ANO5: variants seen among roughly 807,000 people sequenced by gnomAD.
The protein encoded by ANO5 is anoctamin 5.
In ANO5, 109 loss-of-function variants were observed where a neutral mutation model predicts 121.0. The ratio of observed to expected loss-of-function variants is 0.90; its 90% CI spans 0.77 to 1.06. The LOEUF (loss-of-function observed/expected upper bound fraction) is 1.06, where lower values mean the gene tolerates loss of function less well. Ranked by LOEUF, ANO5 falls within the 50% of genes least tolerant of loss-of-function variation. The probability of loss-of-function intolerance (pLI) is 0.00; values close to 1 mark genes in which losing one functional copy is unlikely to be tolerated. For synonymous variants in ANO5, 406 were observed against 359.9 expected, an observed-to-expected ratio of 1.13 and a Z score of -1.45; for missense variants, 1,064 against 1,078.5, an observed-to-expected ratio of 0.99 and a Z score of 0.19.
intron 12 of ANO5, among the ~76,000 whole-genome samples, chr11:22,253,518 G>T (rs1853894436): frequency 6.6e-6 from 1 of 152,032 alleles, no homozygotes; most frequent in Non-Finnish European, 1.5e-5. Context: ...AATGGTAGTT[G>T]TTCTATTGTA....
intron 7 of ANO5, among the ~76,000 whole-genome samples, chr11:22,234,186 G>A (rs1219374858): frequency 6.6e-6 from 1 of 152,104 alleles, no homozygotes; most frequent in African/African-American, 2.4e-5. Context: ...TGAGATATCT[G>A]TGGTGTTGGC....
chr11:22,217,541 A>C (rs1358233878), intron 3 of ANO5, among the ~76,000 whole-genome samples: 1 of 151,858 alleles, frequency 6.6e-6, no homozygotes, highest in Non-Finnish European at 1.5e-5. Flanking sequence ...TTAACAAAAT[A>C]TCTATTTTAC....
chr11:22,249,004 C>T (rs891435893), intron 9 of ANO5, among the ~76,000 whole-genome samples: 1 of 151,880 alleles, frequency 6.6e-6, no homozygotes, highest in African/African-American at 2.4e-5. Flanking sequence ...AGAAAAAGTT[C>T]ATTCACTCTG....
chr11:22,221,106 A>C lies in ANO5; in HGVS notation c.190A>C (p.Asn64His). 6.2e-7 allele frequency: 1 copy of C among 1,611,238 alleles called. No homozygotes were observed. The highest frequency in any genetic ancestry group is 8.5e-7 in the Non-Finnish European group (1 of 1,178,218). ...TTTATGTCTCCTGCAGTTTCAAAAA[A>C]ATCAGCAAAGCAAAGATTCTATCTT... The part of the protein sequence containing the change: ...FLRRRLMFQK[N>H]QQSKDSIFFR... The change falls in exon 5 of 22, where the codon AAT (asparagine) becomes CAT (histidine). Residue 64 changes from asparagine (N) to histidine (H), a missense_variant. Asn to His is a moderately conservative substitution (Grantham distance 68). Transcript: ENST00000324559.
At chr11:22,233,073 A>C (rs1309164682) in intron 7 of ANO5, among the ~76,000 whole-genome samples, 1 of 152,018 alleles carries the variant, frequency 6.6e-6, no homozygotes, top group Non-Finnish European at 1.5e-5. Flanking sequence ...TGGTAATTGA[A>C]GTGTTCATCT....
At chr11:22,246,802 G>A (rs927622250) in intron 9 of ANO5, among the ~76,000 whole-genome samples, 21 of 139,902 alleles carry the variant, frequency 1.5e-4, no homozygotes, top group African/African-American at 5.7e-4. Context: ...GTTGCGATGA[G>A]CCGAGATCGC....
chr11:22,232,679 A>T (rs959146998), intron 7 of ANO5, among the ~76,000 whole-genome samples: 2 of 152,010 alleles, frequency 1.3e-5, no homozygotes, highest in Non-Finnish European at 2.9e-5. Flanking sequence ...TGCCTTGTAC[A>T]AAATGTAAGT....
At chr11:22,211,448 CT>C (rs1040377710) in intron 3 of ANO5, 134 bp downstream of exon 3, 7 of 1,099,976 alleles carry the variant, frequency 6.4e-6, no homozygotes, top group Non-Finnish European at 9.4e-6. Flanking sequence ...GAATATATTA[CT>C]TTAGAAAAAA....
chr11:22,247,137 C>T (rs1853651586), intron 9 of ANO5, among the ~76,000 whole-genome samples: 1 of 152,046 alleles, frequency 6.6e-6, no homozygotes, highest in Non-Finnish European at 1.5e-5. Context: ...CTTCACAGTG[C>T]TTTTGAACTA....
intron 14 of ANO5, among the ~76,000 whole-genome samples, chr11:22,258,768 A>G (rs184919588): frequency 8.5e-5 from 13 of 152,270 alleles, no homozygotes; most frequent in East Asian, 7.7e-4. Flanking sequence ...GGGGCCAGAT[A>G]TATTTTTGGC....
chr11:22,259,434 T>C, intron 14 of ANO5, 85 bp from the exon 15 acceptor site: 1 of 1,352,986 alleles, frequency 7.4e-7, no homozygotes, highest in East Asian at 2.3e-5. Flanking sequence ...TATAATGAGA[T>C]GAACAGAATA....
At chr11:22,218,640 A>C (rs1852541605) in intron 4 of ANO5, among the ~76,000 whole-genome samples, 1 of 152,050 alleles carries the variant, frequency 6.6e-6, no homozygotes, top group South Asian at 2.1e-4. Context: ...AGCTCACTGC[A>C]GCCTCAACCT....
At chr11:22,253,189 T>C (rs1853883708) in intron 12 of ANO5, among the ~76,000 whole-genome samples, 1 of 152,152 alleles carries the variant, frequency 6.6e-6, no homozygotes, top group East Asian at 1.9e-4. Flanking sequence ...CCTGAAATCC[T>C]TTTCAGGGAA....
At chr11:22,247,199 A>G (rs1853654597) in intron 9 of ANO5, among the ~76,000 whole-genome samples, 1 of 151,868 alleles carries the variant, frequency 6.6e-6, no homozygotes, top group African/African-American at 2.4e-5. Context: ...AGGTAAGAAT[A>G]TCTCAGGCAA....
chr11:22,270,508 A>C (rs1854570701), intron 18 of ANO5, 66 bp downstream of exon 18: 2 of 1,524,670 alleles, frequency 1.3e-6, no homozygotes, highest in Non-Finnish European at 9.1e-7. Flanking sequence ...AGCTCCAGAT[A>C]CTTCTTTCTG....
At chr11:22,202,258 C>G (rs908555321) in intron 1 of ANO5, among the ~76,000 whole-genome samples, 1 of 152,018 alleles carries the variant, frequency 6.6e-6, no homozygotes, top group Non-Finnish European at 1.5e-5. Flanking sequence ...CAGATCAAAA[C>G]TCAAAATATT....
intron 18 of ANO5, among the ~76,000 whole-genome samples, chr11:22,271,709 A>G (rs1022907761): frequency 6.6e-6 from 1 of 152,228 alleles, no homozygotes; most frequent in Non-Finnish European, 1.5e-5. Flanking sequence ...TTTTGAAACA[A>G]TTCTGCAGAG....
intron 7 of ANO5, among the ~76,000 whole-genome samples, chr11:22,235,380 G>A (rs1000742927): frequency 1.6e-4 from 24 of 151,952 alleles, no homozygotes; most frequent in South Asian, 2.1e-4. Flanking sequence ...TCTATTTACC[G>A]AGATGGAATA....
At chr11:22,212,942 A>T (rs556685777) in intron 3 of ANO5, among the ~76,000 whole-genome samples, 11 of 151,426 alleles carry the variant, frequency 7.3e-5, no homozygotes, top group African/African-American at 2.7e-4. Flanking sequence ...TTTAATTTTT[A>T]AATTCTAAGT....
Sources: gnomAD v4.1 joint callset for allele counts (sites outside exome capture counted in the v4.1 genomes callset) on GRCh38, gnomAD v4.1.1 for gene constraint, MANE v1.5 for transcripts, NCBI Gene and HGNC (gene_info 2026-07-23, HGNC 2026-07-21) for gene names.